The following GHITM variants were observed in gnomAD, a reference collection of about 807,000 sequenced individuals.
GHITM encodes growth hormone inducible transmembrane protein.
In GHITM, 24 loss-of-function variants were observed where a neutral mutation model predicts 38.7. That is an observed-to-expected ratio of 0.62 (90% CI 0.45 to 0.87). The LOEUF is 0.87. Among genes scored for constraint, GHITM ranks in the 40% least tolerant of loss-of-function variants. GHITM has a pLI of 0.00. For missense variants in GHITM, 420 were observed against 429.8 expected (o/e 0.98, Z 0.20); for synonymous variants, 154 against 147.8 (o/e 1.04, Z -0.30).
intron 5 of GHITM, among the ~76,000 whole-genome samples, chr10:84,146,930 A>T (rs1841562138): frequency 6.6e-6 from 1 of 152,250 alleles, no homozygotes; most frequent in Non-Finnish European, 1.5e-5. Flanking sequence ...AGTGCATCTG[A>T]GGAGAGGTAT....
intron 3 of GHITM, among the ~76,000 whole-genome samples, chr10:84,143,543 C>A (rs1443327894): frequency 6.6e-6 from 1 of 152,174 alleles, no homozygotes; most frequent in Non-Finnish European, 1.5e-5. Context: ...GCTGCATAAA[C>A]ACTGATTATA....
chr10:84,150,793 T>C lies in GHITM; in HGVS notation c.866T>C (p.Met289Thr). 2 of 1,612,610 alleles carry C rather than the reference T, an allele frequency of 1.2e-6. No individual in the cohort carries two copies. The highest frequency in any genetic ancestry group is 1.7e-6 in the Non-Finnish European group (2 of 1,178,686). The change falls in exon 8 of 9, where the codon ATG becomes ACG. Residue 289 changes from methionine to threonine, a missense_variant. Coordinates refer to ENST00000372134, the MANE Select transcript of GHITM (RefSeq NM_014394.3). ...AMYGGLVLFS[M>T]FLLYDTQKVI... is the part of the protein sequence containing the mutation. The stretch of plus-strand genomic sequence containing the variant: ...TACGGTGGATTAGTTCTTTTCAGCA[T>C]GTTCCTTCTGTATGATACCCAGAAA...
rs1373394931 is a variant in GHITM, at chr10:84,144,958, C to T, written c.425C>T (p.Ala142Val). 1.2e-6 allele frequency: 2 copies of T among 1,611,402 alleles called. No homozygotes were observed. The highest frequency in any genetic ancestry group is 2.7e-5 in the African/African-American group (2 of 74,854). ...AGSIGLTALS[A>V]IAISRTPVLM... ...AGTATTGGTTTAACAGCTTTGTCTG[C>T]CATAGCAATCAGCAGAACGCCTGTT... Residue 142 changes from alanine (A) to valine (V), a missense_variant, in exon 5 of 9, where the codon GCC (alanine) becomes GTC (valine). Ala to Val is a moderately conservative substitution (Grantham distance 64, BLOSUM62 0). Coordinates refer to ENST00000372134, the MANE Select transcript of GHITM (RefSeq NM_014394.3).
intron 8 of GHITM, among the ~76,000 whole-genome samples, chr10:84,151,900 T>C (rs1174897841): frequency 6.6e-6 from 1 of 152,164 alleles, no homozygotes; most frequent in Non-Finnish European, 1.5e-5. Flanking sequence ...AGTGGGTCTT[T>C]TATATTAAAA....
At chr10:84,149,213 C>T (rs576896023) in intron 6 of GHITM, among the ~76,000 whole-genome samples, 1 of 152,092 alleles carries the variant, frequency 6.6e-6, no homozygotes, top group African/African-American at 2.4e-5. Flanking sequence ...AATGTTGCTG[C>T]GAAATAACAA....
intron 6 of GHITM, among the ~76,000 whole-genome samples, chr10:84,149,220 A>G (rs954385421): frequency 3.9e-5 from 6 of 152,224 alleles, no homozygotes; most frequent in Admixed American, 3.9e-4. Context: ...CTGCGAAATA[A>G]CAAAAAACTG....
Position 84,141,553 on chromosome 10 carries a change from A to G in GHITM, c.53A>G (p.His18Arg). The G allele has an allele frequency of 1.2e-6, 2 of 1,613,752 alleles. No homozygotes were observed. Among genetic ancestry groups the G allele is most frequent in the Non-Finnish European group, 1.7e-6 (2 of 1,179,664 alleles). Residue 18 changes from histidine to arginine, a missense_variant, in exon 2 of 9, where the codon CAC becomes CGC. Transcript: ENST00000372134. ...CGGACACTACCTTCTAGGGTTTTCC[A>G]CCCAGCTTTCACCAAGGCCTCCCCT... ...CLRTLPSRVF[H>R]PAFTKASPVV... is the part of the protein sequence containing the mutation.
At chr10:84,149,513 T>A (rs934843454) in intron 6 of GHITM, among the ~76,000 whole-genome samples, 1 of 152,052 alleles carries the variant, frequency 6.6e-6, no homozygotes, top group Non-Finnish European at 1.5e-5. Context: ...GGAGTTCCAT[T>A]TACCTTTGTT....
At chr10:84,144,200 T>C (rs1841534658) in intron 4 of GHITM, 94 bp downstream of exon 4, 1 of 756,006 alleles carries the variant, frequency 1.3e-6, no homozygotes, top group East Asian at 2.5e-5. Flanking sequence ...TTAGTCACTT[T>C]GGAATGTTTT....
chr10:84,142,705 A>G lies in GHITM; in HGVS notation c.180A>G (p.Gln60=), dbSNP rs200682505. The G allele has an allele frequency of 6.2e-6, 10 of 1,612,922 alleles. No homozygotes were observed. The African/African-American group carries it at 8.0e-5, about 13-fold the overall frequency. The part of the protein sequence containing the change: ...RIGIRRGRTG[Q]ELKEAALEPS... ...GGATCCGGCGTGGGAGAACTGGCCAAGAACTCAAAGAGGCAGCATTGGAAC... is the reference window on the plus strand; with the variant it reads ...GGATCCGGCGTGGGAGAACTGGCCAGGAACTCAAAGAGGCAGCATTGGAAC... Residue 60 remains glutamine, a synonymous_variant, in exon 3 of 9, where the codon CAA becomes CAG. Coordinates refer to ENST00000372134, the MANE Select transcript of GHITM (RefSeq NM_014394.3).
rs76972679 is a variant in GHITM, at chr10:84,151,820, T to C, written c.954-444T>C. 1.4e-4 allele frequency among the ~76,000 whole-genome samples: 22 copies of C among 152,238 alleles called. No individual in the cohort carries two copies. The East Asian group carries it at 4.2e-3, about 29-fold the overall frequency. On this transcript the variant is annotated intron_variant, in intron 8 of 8. Transcript: ENST00000372134. ...CTAAAAATAAAACTTAATGTAATGG[T>C]TTAGGGGGAAGAAAAAGTTGCTGTA...
intron 8 of GHITM, among the ~76,000 whole-genome samples, chr10:84,151,825 G>C (rs1841615052): frequency 6.6e-6 from 1 of 152,040 alleles, no homozygotes; most frequent in Non-Finnish European, 1.5e-5. Context: ...AATGGTTTAG[G>C]GGGAAGAAAA....
intron 4 of GHITM, among the ~76,000 whole-genome samples, chr10:84,144,337 A>T (rs1261169525): frequency 6.6e-6 from 1 of 151,364 alleles, no homozygotes; most frequent in Non-Finnish European, 1.5e-5. Flanking sequence ...GAAAATATGA[A>T]ATATGTTTTT....
Position 84,142,748 on chromosome 10 carries a change from T to C in GHITM, c.223T>C (p.Phe75Leu), listed in dbSNP as rs762115272. Residue 75 changes from phenylalanine to leucine, a missense_variant, in exon 3 of 9, where the codon TTT becomes CTT. Coordinates refer to ENST00000372134, the MANE Select transcript of GHITM (RefSeq NM_014394.3). ...AALEPSMEKI[F>L]KIDQMGRWFV... ...ATTGGAACCATCGATGGAAAAAATA[T>C]TTAAAAGTAGGTGGCTATCTTTAGT... 3 of 1,570,162 alleles carry C rather than the reference T, an allele frequency of 1.9e-6. No individual in the cohort carries two copies. The highest frequency in any genetic ancestry group is 3.4e-5 in the Admixed American group (2 of 59,536).
chr10:84,140,146 A>G (rs965220481), intron 1 of GHITM: 6 of 152,454 alleles, frequency 3.9e-5, no homozygotes, highest in African/African-American at 1.4e-4. Context: ...CTGGGCTGTT[A>G]CGCCACATGG....
In GHITM at chr10:84,150,654, C is replaced by CA; in HGVS notation, c.782-54dup. 5 of 1,374,074 alleles carry CA rather than the reference C, an allele frequency of 3.6e-6. No individual in the cohort carries two copies. In the South Asian group the frequency reaches 6.6e-5, roughly 18 times the overall value. The allele number at this position is 1,374,074 out of a possible 1,614,324, so 85.1% of individuals were successfully genotyped here. ...TTTTAAGTAATATAAATCATAAACTCAGTTATCGGAAATCCTTTTTTAAAA... is the reference window on the plus strand; with the variant it reads ...TTTTAAGTAATATAAATCATAAACTCAAGTTATCGGAAATCCTTTTTTAAAA... On this transcript the variant is annotated intron_variant, in intron 7 of 8. Transcript: ENST00000372134.
In GHITM at chr10:84,144,036, G is replaced by T; in HGVS notation, c.271G>T (p.Val91Phe). 1 of 1,614,136 alleles carries T rather than the reference G, an allele frequency of 6.2e-7. No homozygotes were observed. Among genetic ancestry groups the T allele is most frequent in the Non-Finnish European group, 8.5e-7 (1 of 1,179,968 alleles). Reference protein sequence around the residue: ...GRWFVAGGAAVGLGALCYYGL... With the variant: ...GRWFVAGGAAFGLGALCYYGL... ...ATGGTTTGTTGCTGGAGGGGCTGCT[G>T]TTGGTCTTGGAGCATTGTGCTACTA... Residue 91 changes from valine to phenylalanine, a missense_variant, in exon 4 of 9, where the codon GTT becomes TTT. Val to Phe is a conservative substitution (Grantham distance 50). Coordinates refer to ENST00000372134, the MANE Select transcript of GHITM (RefSeq NM_014394.3).
chr10:84,151,687 T>C (rs1564643873), intron 8 of GHITM, among the ~76,000 whole-genome samples: 1 of 152,152 alleles, frequency 6.6e-6, no homozygotes, highest in Admixed American at 6.5e-5. Context: ...ATTGTTATTA[T>C]GTTTTTTTCT....
At position 84,142,722 on chromosome 10, in the gene GHITM, C is replaced by T. The variant is rs747844501; in HGVS notation, c.197C>T (p.Ala66Val). ...ACTGGCCAAGAACTCAAAGAGGCAG[C>T]ATTGGAACCATCGATGGAAAAAATA... ...GRTGQELKEA[A>V]LEPSMEKIFK... is the part of the protein sequence containing the mutation. Residue 66 changes from alanine to valine, a missense_variant, in exon 3 of 9, where the codon GCA becomes GTA. Physicochemically the swap from Ala to Val is moderately conservative, Grantham distance 64. Coordinates refer to ENST00000372134, the MANE Select transcript of GHITM (RefSeq NM_014394.3). 4.2e-5 allele frequency: 67 copies of T among 1,607,892 alleles called. No individual in the cohort carries two copies. Among genetic ancestry groups the T allele is most frequent in the Non-Finnish European group, 5.4e-5 (64 of 1,175,142 alleles).
Sources: allele counts gnomAD v4.1 joint callset (sites outside exome capture counted in the v4.1 genomes callset), GRCh38; gene constraint gnomAD v4.1.1; transcripts MANE v1.5; gene names NCBI Gene and HGNC (gene_info 2026-07-23, HGNC 2026-07-21).